The following RAP1GAP2 variants were observed in gnomAD, a reference collection of about 807,000 sequenced individuals.
RAP1GAP2 encodes rap1 GTPase-activating protein 2.
A neutral mutation model predicts 95.0 loss-of-function variants in RAP1GAP2; 27 were observed. That is an observed-to-expected ratio of 0.28 (90% CI 0.21 to 0.39). The LOEUF (loss-of-function observed/expected upper bound fraction) is 0.39, where lower values mean the gene tolerates loss of function less well. Among genes scored for constraint, RAP1GAP2 ranks in the 10% least tolerant of loss-of-function variants. The pLI is 1.00. For synonymous variants in RAP1GAP2, 373 were observed against 380.9 expected (o/e 0.98, Z 0.24); for missense variants, 771 against 970.0 (o/e 0.79, Z 2.72).
chr17:3,020,417 G>A, intron 18 of RAP1GAP2, 60 bp from the exon 19 acceptor site: 1 of 1,350,558 alleles, frequency 7.4e-7, no homozygotes, highest in Non-Finnish European at 1.0e-6. Flanking sequence ...GGAGGAGGAT[G>A]AGGGGATAGG....
At chr17:2,757,687 G>C (rs1352335741) in intron 1 of RAP1GAP2, among the ~76,000 whole-genome samples, 4 of 151,996 alleles carry the variant, frequency 2.6e-5, no homozygotes, top group African/African-American at 9.7e-5. Context: ...GGGAGGCAGA[G>C]GTATAAAGAA....
intron 12 of RAP1GAP2, among the ~76,000 whole-genome samples, chr17:2,992,785 C>T (rs2045809240): frequency 6.6e-6 from 1 of 152,142 alleles, no homozygotes; most frequent in African/African-American, 2.4e-5. Flanking sequence ...CATCTTCTCC[C>T]TCCCTCAAGG....
chr17:2,971,021 C>A (rs1033242359), intron 8 of RAP1GAP2, among the ~76,000 whole-genome samples: 1 of 152,148 alleles, frequency 6.6e-6, no homozygotes, highest in Non-Finnish European at 1.5e-5. Context: ...GGTGACAGAA[C>A]AAGACCCTGT....
At chr17:2,962,975 G>T in intron 5 of RAP1GAP2, 2 of 546,604 alleles carry the variant, frequency 3.7e-6, no homozygotes, top group Non-Finnish European at 6.4e-6. Context: ...TGGCCGTTTG[G>T]CCCGGCTCTT....
chr17:2,967,371 AACAACAACAACGATG>A (rs1221707243), intron 8 of RAP1GAP2, among the ~76,000 whole-genome samples: 7 of 151,408 alleles, frequency 4.6e-5, no homozygotes, highest in African/African-American at 1.2e-4. Flanking sequence ...ACTCTGTCTC[AACAACAACAACGATG>A]ACAACAACAA....
intron 3 of RAP1GAP2, among the ~76,000 whole-genome samples, chr17:2,939,121 T>C (rs8069828): frequency 0.89 from 135,445 of 152,140 alleles, 60,440 homozygotes; most frequent in Non-Finnish European, 0.91. Context: ...GACAGAGTCC[T>C]GCTGTGTCGC....
intron 2 of RAP1GAP2, among the ~76,000 whole-genome samples, chr17:2,888,393 C>G (rs959708675): frequency 1.1e-4 from 17 of 152,114 alleles, no homozygotes; most frequent in Non-Finnish European, 1.9e-4. Flanking sequence ...CTTTTGTATC[C>G]CTGCCAACCT....
At chr17:2,808,943 C>T (rs1272312309) in intron 2 of RAP1GAP2, among the ~76,000 whole-genome samples, 1 of 152,082 alleles carries the variant, frequency 6.6e-6, no homozygotes, top group Non-Finnish European at 1.5e-5. Flanking sequence ...CATGAACATG[C>T]CTGTTTTGGG....
intron 2 of RAP1GAP2, among the ~76,000 whole-genome samples, chr17:2,889,971 G>A (rs1281743237): frequency 2.1e-5 from 3 of 143,996 alleles, no homozygotes; most frequent in Admixed American, 7.3e-5. Context: ...TGATCCGCCC[G>A]CTTTGGCCTC....
intron 2 of RAP1GAP2, among the ~76,000 whole-genome samples, chr17:2,894,123 GAA>G (rs34619704): frequency 2.8e-5 from 4 of 144,558 alleles, no homozygotes; most frequent in African/African-American, 1.1e-4. Context: ...TAAAAATACA[GAA>G]AAAAAAAAAA....
At position 3,020,482 on chromosome 17, in the gene RAP1GAP2, A is replaced by G. The variant is rs1346124066; in HGVS notation, c.1638A>G (p.Pro546=). 1 of 1,613,424 alleles carries G rather than the reference A, an allele frequency of 6.2e-7. No individual in the cohort carries two copies. The highest frequency in any genetic ancestry group is 8.5e-7 in the Non-Finnish European group (1 of 1,179,680). The change falls in exon 19 of 25, where the codon CCA becomes CCG. Residue 546 remains proline (P), a synonymous_variant. Transcript: ENST00000254695. ...MEVTKTTFSP[P]VVAATVKNQS... ...TTTGGCAATTTCATCGACAGCCTCC[A>G]GTGGTGGCGGCAACGGTGAAGAACC...
upstream of RAP1GAP2, among the ~76,000 whole-genome samples, chr17:2,792,718 A>G (rs1307692621): frequency 6.6e-6 from 1 of 152,174 alleles, no homozygotes; most frequent in Non-Finnish European, 1.5e-5. Flanking sequence ...TGTCTGACTC[A>G]GGAGTGTTGT....
chr17:2,854,576 C>T (rs1225708363), intron 2 of RAP1GAP2, among the ~76,000 whole-genome samples: 1 of 152,262 alleles, frequency 6.6e-6, no homozygotes, highest in African/African-American at 2.4e-5. Context: ...GTTCGCTCCC[C>T]ACCCACCCTC....
intron 2 of RAP1GAP2, among the ~76,000 whole-genome samples, chr17:2,897,349 A>C (rs746642230): frequency 2.6e-5 from 4 of 151,916 alleles, no homozygotes; most frequent in Non-Finnish European, 4.4e-5. Flanking sequence ...AAAACCAAAA[A>C]CAAACAAACA....
At position 2,797,825 on chromosome 17, in the gene RAP1GAP2, G is replaced by A. The variant is rs2069137964; in HGVS notation, c.44+1254G>A. The A allele has an allele frequency of 1.0e-6, 1 of 974,360 alleles. No individual in the cohort carries two copies. Among genetic ancestry groups the A allele is most frequent in the Admixed American group, 6.2e-5 (1 of 16,250 alleles). The allele number at this position is 974,360 out of a possible 1,614,324, so 60.4% of individuals were successfully genotyped here. On this transcript the variant is annotated intron_variant, in intron 1 of 24. Coordinates refer to ENST00000254695, the MANE Select transcript of RAP1GAP2 (RefSeq NM_015085.5). This position sits in a 1 kb window ranked among gnomAD's most constrained non-coding sequence, Gnocchi z 5.6. The stretch of plus-strand genomic sequence containing the variant: ...GGAGGCAGCAGAGGACTTGGCTTCT[G>A]GTTGGGAGGGGTGTGTGTGTCTTGG...
chr17:2,960,823 T>C (rs12450968), intron 4 of RAP1GAP2, among the ~76,000 whole-genome samples: 19,173 of 152,274 alleles, frequency 0.13, 1,289 homozygotes, highest in South Asian at 0.19. Flanking sequence ...CTAGTTTGTG[T>C]ACCGTCTCAT....
At chr17:2,892,044 G>A (rs140172790) in intron 2 of RAP1GAP2, among the ~76,000 whole-genome samples, 3 of 151,908 alleles carry the variant, frequency 2.0e-5, no homozygotes, top group Admixed American at 1.3e-4. Flanking sequence ...GGCTGGTCTC[G>A]GACTCCTGAC....
At chr17:2,755,785 G>T in intron 1 of RAP1GAP2, 1 of 354,766 alleles carries the variant, frequency 2.8e-6, no homozygotes, top group South Asian at 1.3e-4. Flanking sequence ...GGCGCCGGGC[G>T]GCGCGGGGCC....
At chr17:2,865,785 CT>C (rs1041276982) in intron 2 of RAP1GAP2, among the ~76,000 whole-genome samples, 2 of 152,162 alleles carry the variant, frequency 1.3e-5, no homozygotes, top group Admixed American at 1.3e-4. Context: ...AGATGCCTGG[CT>C]TCCACATTGC....
Sources: allele counts gnomAD v4.1 joint callset (sites outside exome capture counted in the v4.1 genomes callset), GRCh38; gene constraint gnomAD v4.1.1; non-coding constraint Gnocchi (gnomAD v3.1); transcripts MANE v1.5; gene names NCBI Gene and HGNC (gene_info 2026-07-23, HGNC 2026-07-21).